Variants in PALLD observed in about 807,000 individuals in gnomAD.
PALLD encodes palladin.
Under a neutral mutation model 123.5 loss-of-function variants are expected in PALLD, and 61 were observed. The observed-to-expected ratio is 0.49, with a 90% CI of 0.40 to 0.61. The LOEUF is 0.61. Among genes scored for constraint, PALLD ranks in the 20% least tolerant of loss-of-function variants. PALLD has a pLI of 0.00. For missense variants in PALLD, 1,273 were observed against 1,377.0 expected, an observed-to-expected ratio of 0.92 and a Z score of 1.20; for synonymous variants, 465 against 496.4, an observed-to-expected ratio of 0.94 and a Z score of 0.84.
intron 10 of PALLD, among the ~76,000 whole-genome samples, chr4:168,852,011 A>C (rs948959256): frequency 4.6e-5 from 7 of 152,174 alleles, no homozygotes; most frequent in Non-Finnish European, 1.0e-4. Flanking sequence ...AGTGGAGTGA[A>C]TCTGGAAGTC....
chr4:168,810,242 G>T (rs1740875252), intron 10 of PALLD, among the ~76,000 whole-genome samples: 1 of 152,060 alleles, frequency 6.6e-6, no homozygotes, highest in Non-Finnish European at 1.5e-5. Flanking sequence ...TAAAACATTT[G>T]GTGATGAATG....
At chr4:168,767,328 G>A (rs1025945250) in intron 10 of PALLD, among the ~76,000 whole-genome samples, 2 of 152,100 alleles carry the variant, frequency 1.3e-5, no homozygotes, top group Admixed American at 1.3e-4. Context: ...CTTCTCCCCT[G>A]TTCTGGACAA....
intron 2 of PALLD, among the ~76,000 whole-genome samples, chr4:168,586,940 A>C (rs1770884037): frequency 6.6e-6 from 1 of 152,192 alleles, no homozygotes; most frequent in African/African-American, 2.4e-5. Context: ...AGTGAGTAAA[A>C]AGGAAAAGTC....
chr4:168,926,438 C>T lies in PALLD; in HGVS notation c.*258C>T. ...CTGAAACAGCCATTGCCTTGACCAACATATTCCTTTGTCACATTATGTAAA... is the reference window on the plus strand; with the variant it reads ...CTGAAACAGCCATTGCCTTGACCAATATATTCCTTTGTCACATTATGTAAA... On this transcript the variant is annotated 3_prime_UTR_variant, in exon 22 of 22. Coordinates refer to ENST00000505667, the MANE Select transcript of PALLD (RefSeq NM_001166108.2). The T allele has an allele frequency of 7.8e-7, 1 of 1,286,218 alleles. No individual in the cohort carries two copies. The highest frequency in any genetic ancestry group is 1.3e-5 in the South Asian group (1 of 77,668). The allele number at this position is 1,286,218 out of a possible 1,614,324, so 79.7% of individuals were successfully genotyped here. A position where few individuals can be genotyped will look rare whatever the true frequency, so the allele number is the denominator to read the frequency against.
At chr4:168,859,065 C>G (rs776668835) in intron 10 of PALLD, among the ~76,000 whole-genome samples, 7 of 152,118 alleles carry the variant, frequency 4.6e-5, no homozygotes, top group Non-Finnish European at 8.8e-5. Flanking sequence ...AACATAAAAC[C>G]TCAGCGTTAT....
chr4:168,735,342 C>G (rs564659803), intron 10 of PALLD, among the ~76,000 whole-genome samples: 7 of 152,314 alleles, frequency 4.6e-5, no homozygotes, highest in Non-Finnish European at 8.8e-5. Context: ...AGCATTTCCA[C>G]TCAGCCTGCC....
At chr4:168,641,366 T>C (rs568966030) in intron 2 of PALLD, among the ~76,000 whole-genome samples, 45 of 152,192 alleles carry the variant, frequency 3.0e-4, no homozygotes, top group African/African-American at 9.1e-4. Flanking sequence ...TCTCCTAAAC[T>C]ATGCTGTCTA....
Position 168,683,109 on chromosome 4 carries a change from T to C in PALLD, c.1260+6T>C, listed in dbSNP as rs1482887008. On this transcript the variant is annotated splice_donor_region_variant and intron_variant, in intron 5 of 21. Transcript: ENST00000505667. ...TGTCTGTCCCTGTGCAACAGGTAAGTATGCTTTGAGCCAGAGCCCATAAGG... is the reference window on the plus strand; with the variant it reads ...TGTCTGTCCCTGTGCAACAGGTAAGCATGCTTTGAGCCAGAGCCCATAAGG... The C allele has an allele frequency of 6.4e-7, 1 of 1,564,216 alleles. No individual in the cohort carries two copies. Among genetic ancestry groups the C allele is most frequent in the East Asian group, 2.2e-5 (1 of 44,638 alleles).
At chr4:168,547,597 G>A (rs1312361405) in intron 2 of PALLD, among the ~76,000 whole-genome samples, 2 of 150,272 alleles carry the variant, frequency 1.3e-5, no homozygotes, top group Admixed American at 6.6e-5. Context: ...AGCCAGGTGT[G>A]GTGGCAGGTG....
intron 2 of PALLD, chr4:168,648,324 T>C (rs1319814398): frequency 6.6e-6 from 1 of 152,086 alleles, no homozygotes; most frequent in African/African-American, 2.4e-5. Flanking sequence ...TTTTGCAACT[T>C]GAGAGAGAAA....
chr4:168,725,525 T>TC lies in PALLD; in HGVS notation c.1964+13602_1964+13603insC, dbSNP rs1279408376. Among the ~76,000 whole-genome samples, 883 of 128,284 alleles carry TC rather than the reference T, an allele frequency of 6.9e-3. 2 individuals are homozygous for TC. Among genetic ancestry groups the TC allele is most frequent in the Middle Eastern group, 0.048 (13 of 270 alleles). 84.2% of individuals were successfully genotyped at this position (128,284 alleles called of 152,430 possible). A position where few individuals can be genotyped will look rare whatever the true frequency, so the allele number is the denominator to read the frequency against. On this transcript the variant is annotated intron_variant, in intron 10 of 21. Transcript: ENST00000505667. ...TATATTTTATTCTCTTTAATTTCTT[T>TC]TTTTTTTTTTTTTTTTTTTGAGATG... is the stretch of plus-strand genomic sequence containing the variant.
intron 2 of PALLD, among the ~76,000 whole-genome samples, chr4:168,638,009 G>A (rs1034303442): frequency 3.4e-5 from 5 of 149,188 alleles, no homozygotes. Flanking sequence ...AGCATGCTGT[G>A]TAACAGTTTA....
rs111497677 is a variant in PALLD, at chr4:168,519,078, G to T, written c.908+6666G>T. Among the ~76,000 whole-genome samples the T allele has an allele frequency of 4.1e-3, 627 of 152,356 alleles. 2 individuals are homozygous for T. Among genetic ancestry groups the T allele is most frequent in the African/African-American group, 0.014 (593 of 41,578 alleles). On this transcript the variant is annotated intron_variant, in intron 2 of 21. Transcript: ENST00000505667. ...AACTTACACATAAATTACATGGACA[G>T]ATGTTTGCATATGAAGTTACATTTG...
rs776393182 is a variant in PALLD at position 168,903,711 on chromosome 4, A to C, written c.2473-46A>C. ...CTATTTTCAGTTCTCCAAATAGAGTAGGAATACACAAACTCCTAATCTTTA... is the reference window on the plus strand; with the variant it reads ...CTATTTTCAGTTCTCCAAATAGAGTCGGAATACACAAACTCCTAATCTTTA... On this transcript the variant is annotated intron_variant, in intron 14 of 21. Coordinates refer to ENST00000505667, the MANE Select transcript of PALLD (RefSeq NM_001166108.2). 1.2e-5 allele frequency: 18 copies of C among 1,480,340 alleles called. No individual in the cohort carries two copies. The Admixed American group carries it at 2.8e-4, about 23-fold the overall frequency. 91.7% of individuals were successfully genotyped at this position (1,480,340 alleles called of 1,614,324 possible).
chr4:168,754,435 A>T (rs1161880197), intron 10 of PALLD, among the ~76,000 whole-genome samples: 2 of 152,218 alleles, frequency 1.3e-5, no homozygotes, highest in African/African-American at 4.8e-5. Flanking sequence ...TCAGTGCTAT[A>T]CAGTAAAATT....
chr4:168,745,426 GA>G (rs140226799), intron 10 of PALLD, among the ~76,000 whole-genome samples: 59,562 of 124,946 alleles, frequency 0.48, 15,342 homozygotes, highest in East Asian at 0.79. Flanking sequence ...TGTGAGATGG[GA>G]GGGGGGGGCA....
intron 2 of PALLD, among the ~76,000 whole-genome samples, chr4:168,592,018 AT>A (rs10672786): frequency 0.03 from 4,130 of 138,850 alleles, 148 homozygotes; most frequent in African/African-American, 0.096. Context: ...ACTATTATGG[AT>A]TTTTTTTTTT....
chr4:168,502,437 T>C (rs1481177731), intron 1 of PALLD, among the ~76,000 whole-genome samples: 2 of 152,246 alleles, frequency 1.3e-5, no homozygotes, highest in Non-Finnish European at 2.9e-5. Flanking sequence ...GATTTTGCTT[T>C]AGCGAAATGA....
intron 2 of PALLD, among the ~76,000 whole-genome samples, chr4:168,635,835 C>T (rs1776292670): frequency 4.6e-5 from 7 of 152,130 alleles, no homozygotes; most frequent in Admixed American, 3.9e-4. Flanking sequence ...TAAAGGAAAA[C>T]ATGTGGAGAC....
Sources: allele counts gnomAD v4.1 joint callset (sites outside exome capture counted in the v4.1 genomes callset), GRCh38; gene constraint gnomAD v4.1.1; transcripts MANE v1.5; gene names NCBI Gene and HGNC (gene_info 2026-07-23, HGNC 2026-07-21).